Variants in RBM25 observed in about 807,000 individuals in gnomAD.
RBM25 encodes RNA binding motif protein 25, also known as RNA-binding protein 25.
In RBM25, 19 loss-of-function variants were observed where a neutral mutation model predicts 120.7. That is an observed-to-expected ratio of 0.16 (90% confidence interval 0.11 to 0.23). The LOEUF is 0.23. RBM25 is among the 10% of genes least tolerant of loss of function. The pLI is 1.00. For missense variants in RBM25, 605 were observed against 1,041.5 expected, an observed-to-expected ratio of 0.58 and a Z score of 5.77; for synonymous variants, 390 against 326.7, an observed-to-expected ratio of 1.19 and a Z score of -2.09.
intron 1 of RBM25, among the ~76,000 whole-genome samples, chr14:73,070,800 AGCTGGG>A (rs1895269175): frequency 1.3e-5 from 2 of 152,000 alleles, no homozygotes; most frequent in African/African-American, 4.8e-5. Context: ...GATAAAAATT[AGCTGGG>A]CGTGGTGGCG....
At chr14:73,084,981 C>T (rs1292128166) in intron 5 of RBM25, among the ~76,000 whole-genome samples, 1 of 151,930 alleles carries the variant, frequency 6.6e-6, no homozygotes, top group Non-Finnish European at 1.5e-5. Flanking sequence ...GTTGCCAGTG[C>T]CTAGATTGAT....
chr14:73,089,928 G>A (rs1895773037), intron 6 of RBM25, among the ~76,000 whole-genome samples: 1 of 152,158 alleles, frequency 6.6e-6, no homozygotes, highest in African/African-American at 2.4e-5. Flanking sequence ...GGGATTACGT[G>A]TGAGCCACTC....
intron 2 of RBM25, among the ~76,000 whole-genome samples, chr14:73,073,665 G>A (rs1429376349): frequency 6.6e-6 from 1 of 152,122 alleles, no homozygotes; most frequent in African/African-American, 2.4e-5. Context: ...TCCAGCCTGG[G>A]CAACAAGAAT....
chr14:73,096,328 G>T (rs548462824), intron 6 of RBM25, among the ~76,000 whole-genome samples: 3 of 152,224 alleles, frequency 2.0e-5, no homozygotes, highest in African/African-American at 4.8e-5. Context: ...CCTTGTTAGG[G>T]TTGTAAGTGT....
chr14:73,072,674 G>A, intron 2 of RBM25, among the ~76,000 whole-genome samples: 1 of 152,182 alleles, frequency 6.6e-6, no homozygotes, highest in East Asian at 1.9e-4. Flanking sequence ...CTTATGCTGG[G>A]TGTGGTGGTG....
chr14:73,079,428 CA>C (rs1224260375), intron 4 of RBM25, among the ~76,000 whole-genome samples: 1 of 150,068 alleles, frequency 6.7e-6, no homozygotes, highest in African/African-American at 2.4e-5. Context: ...GTCTCACACA[CA>C]AAAAAAGGAG....
chr14:73,066,018 T>G (rs2140421807), intron 1 of RBM25, among the ~76,000 whole-genome samples: 1 of 152,290 alleles, frequency 6.6e-6, no homozygotes, highest in African/African-American at 2.4e-5. Flanking sequence ...ATTTGTTTAT[T>G]GAAGTCCTCA....
chr14:73,084,501 T>C (rs1895638110), intron 5 of RBM25, among the ~76,000 whole-genome samples: 1 of 152,196 alleles, frequency 6.6e-6, no homozygotes, highest in South Asian at 2.1e-4. Flanking sequence ...TTCTGTAAAG[T>C]GGTCAGTAGT....
At chr14:73,072,200 G>A (rs899463219) in intron 2 of RBM25, among the ~76,000 whole-genome samples, 23 of 151,912 alleles carry the variant, frequency 1.5e-4, no homozygotes, top group African/African-American at 5.3e-4. Context: ...TCGAACTCTT[G>A]GCCTCAAATG....
At chr14:73,098,969 A>G (rs907514112) in intron 7 of RBM25, among the ~76,000 whole-genome samples, 2 of 152,220 alleles carry the variant, frequency 1.3e-5, no homozygotes, top group African/African-American at 4.8e-5. Context: ...AGTAAGGTAC[A>G]GGGTAATTGA....
chr14:73,082,018 T>G (rs1020006008), intron 4 of RBM25, among the ~76,000 whole-genome samples: 1 of 152,214 alleles, frequency 6.6e-6, no homozygotes. Context: ...GGAGAAAATT[T>G]TGAGCTATTT....
intron 12 of RBM25, 121 bp downstream of exon 12, chr14:73,106,406 A>AT (rs1341961094): frequency 2.5e-6 from 2 of 808,362 alleles, no homozygotes; most frequent in Non-Finnish European, 3.5e-6. Flanking sequence ...GTATAATTTA[A>AT]TTTTTATGTA....
At chr14:73,082,632 C>A (rs967954260) in intron 4 of RBM25, among the ~76,000 whole-genome samples, 7 of 152,188 alleles carry the variant, frequency 4.6e-5, no homozygotes, top group Admixed American at 1.3e-4. Context: ...TTCAGATAAC[C>A]TGCCCTCCTT....
chr14:73,063,779 A>G (rs1895062547), intron 1 of RBM25, among the ~76,000 whole-genome samples: 1 of 151,438 alleles, frequency 6.6e-6, no homozygotes, highest in Admixed American at 6.6e-5. Flanking sequence ...GTGGCCAGTG[A>G]TACTGTTAAA....
chr14:73,068,065 A>G, intron 1 of RBM25: 1 of 530,046 alleles, frequency 1.9e-6, no homozygotes, highest in Middle Eastern at 3.1e-4. Context: ...TAGCGTGAGC[A>G]GTGATCACTA....
At chr14:73,114,165 G>T (rs1198467196) in intron 17 of RBM25, 121 bp from the exon 18 acceptor site, 2 of 684,464 alleles carry the variant, frequency 2.9e-6, no homozygotes, top group Non-Finnish European at 2.4e-6. Flanking sequence ...AACATTTATA[G>T]AATGGTTCCT....
At chr14:73,067,045 A>G (rs925744153) in intron 1 of RBM25, among the ~76,000 whole-genome samples, 4 of 149,986 alleles carry the variant, frequency 2.7e-5, no homozygotes, top group Admixed American at 2.7e-4. Flanking sequence ...ATGATTTTGG[A>G]GGTAAAGTTT....
At chr14:73,075,568 C>A (rs1895397518) in intron 2 of RBM25, among the ~76,000 whole-genome samples, 1 of 152,128 alleles carries the variant, frequency 6.6e-6, no homozygotes, top group Admixed American at 6.6e-5. Flanking sequence ...TTTGTTTTTA[C>A]TTTATTTGAC....
chr14:73,058,816 G>C (rs1024670779), intron 1 of RBM25, 111 bp downstream of exon 1: 2 of 151,730 alleles, frequency 1.3e-5, no homozygotes, highest in East Asian at 3.9e-4. Flanking sequence ...GTAGAGGTAA[G>C]GGGGAGCGCG....
Sources: gnomAD v4.1 joint callset for allele counts (sites outside exome capture counted in the v4.1 genomes callset) on GRCh38, gnomAD v4.1.1 for gene constraint, MANE v1.5 for transcripts, NCBI Gene and HGNC (gene_info 2026-07-23, HGNC 2026-07-21) for gene names.